TPD52: variants seen among roughly 807,000 people sequenced by gnomAD.
TPD52 encodes tumor protein D52, also known as prostate and colon associated protein.
In TPD52, 17 loss-of-function variants were observed where a neutral mutation model predicts 31.3. The observed-to-expected ratio is 0.54, with a 90% CI of 0.37 to 0.82. The LOEUF is 0.82. Among genes scored for constraint, TPD52 ranks in the 40% least tolerant of loss-of-function variants. TPD52 has a pLI of 0.00. For missense variants in TPD52, 212 were observed against 240.1 expected (o/e 0.88, Z 0.77); for synonymous variants, 83 against 89.6 (o/e 0.93, Z 0.42).
chr8:80,127,996 G>GT lies in TPD52; in HGVS notation c.19+43428dup, dbSNP rs930485419. Among the ~76,000 whole-genome samples the GT allele has an allele frequency of 2.1e-3, 293 of 136,716 alleles. 1 individual carries two copies. Among genetic ancestry groups the GT allele is most frequent in the Admixed American group, 3.8e-3 (54 of 14,076 alleles). The allele number at this position is 136,716 out of a possible 152,430, so 89.7% of individuals were successfully genotyped here. On this transcript the variant is annotated intron_variant, in intron 1 of 7. Transcript: ENST00000518937. ...TGGTTTTGGTTTGTATTTCTGTTTT[G>GT]TTTTTTTTTTTACATTTTCTAACAA... is the stretch of plus-strand genomic sequence containing the variant.
At chr8:80,093,728 T>C (rs1176786501) in intron 1 of TPD52, among the ~76,000 whole-genome samples, 1 of 152,212 alleles carries the variant, frequency 6.6e-6, no homozygotes, top group Admixed American at 6.5e-5. Context: ...TGCACAAATC[T>C]TGTCAATTTT....
intron 1 of TPD52, among the ~76,000 whole-genome samples, chr8:80,169,736 G>A (rs1237394559): frequency 6.6e-6 from 1 of 152,088 alleles, no homozygotes; most frequent in African/African-American, 2.4e-5. Flanking sequence ...CCCGTCCTGC[G>A]TCGCCCCCAT....
At chr8:80,130,328 T>C (rs1360541754) in intron 1 of TPD52, among the ~76,000 whole-genome samples, 1 of 152,210 alleles carries the variant, frequency 6.6e-6, no homozygotes, top group African/African-American at 2.4e-5. Context: ...ACCCAAATTA[T>C]GTCATTACAC....
intron 1 of TPD52, among the ~76,000 whole-genome samples, chr8:80,106,365 GTTGTTATT>G (rs1807109170): frequency 6.6e-6 from 1 of 152,170 alleles, no homozygotes; most frequent in South Asian, 2.1e-4. Flanking sequence ...TGTGGTTGTT[GTTGTTATT>G]TTGAGACAGA....
At chr8:80,068,458 G>C (rs964825405) in intron 1 of TPD52, among the ~76,000 whole-genome samples, 2 of 152,218 alleles carry the variant, frequency 1.3e-5, no homozygotes, top group Non-Finnish European at 2.9e-5. Flanking sequence ...TCCCTGGTTT[G>C]AAAGTCACAG....
chr8:80,067,325 C>T (rs1163299719), intron 1 of TPD52: 1 of 151,654 alleles, frequency 6.6e-6, no homozygotes, highest in African/African-American at 2.4e-5. Flanking sequence ...TAGGTGGCAG[C>T]AAATCATTAT....
At chr8:80,073,172 A>G (rs754924420) in intron 1 of TPD52, among the ~76,000 whole-genome samples, 1 of 152,062 alleles carries the variant, frequency 6.6e-6, no homozygotes, top group Admixed American at 6.6e-5. Context: ...GTTTAAATGT[A>G]CCTCCCATAC....
chr8:80,049,954 T>C (rs1208491860), intron 5 of TPD52, among the ~76,000 whole-genome samples: 3 of 152,064 alleles, frequency 2.0e-5, no homozygotes, highest in Admixed American at 6.6e-5. Flanking sequence ...TATGTATATT[T>C]TACCACAACA....
downstream of TPD52, among the ~76,000 whole-genome samples, chr8:80,031,604 T>C (rs1586109400): frequency 6.6e-6 from 1 of 152,256 alleles, no homozygotes; most frequent in Admixed American, 6.5e-5. Context: ...ACACTTGTAA[T>C]CCCAGCACTT....
At chr8:80,090,341 A>G (rs1452433839) in intron 1 of TPD52, among the ~76,000 whole-genome samples, 1 of 152,174 alleles carries the variant, frequency 6.6e-6, no homozygotes, top group Non-Finnish European at 1.5e-5. Context: ...TCAAGGCTAG[A>G]GTGAGCTACG....
At chr8:80,101,448 CAAAAA>C (rs113660828) in intron 1 of TPD52, among the ~76,000 whole-genome samples, 6 of 114,722 alleles carry the variant, frequency 5.2e-5, no homozygotes, top group African/African-American at 1.7e-4. Flanking sequence ...ACTCCCAGCT[CAAAAA>C]AAAAAAAAAA....
intron 4 of TPD52, among the ~76,000 whole-genome samples, chr8:80,051,060 T>TA (rs2130521302): frequency 6.6e-6 from 1 of 151,188 alleles, no homozygotes; most frequent in East Asian, 1.9e-4. Flanking sequence ...TGAACATAGT[T>TA]ACAGCTTACC....
chr8:80,051,401 T>G (rs1206377803), intron 4 of TPD52, 126 bp downstream of exon 4: 1 of 803,292 alleles, frequency 1.2e-6, no homozygotes, highest in African/African-American at 1.7e-5. Flanking sequence ...TTTGAAGGAG[T>G]GCCCTCCCTC....
At chr8:80,061,086 C>G (rs545526636) in intron 2 of TPD52, among the ~76,000 whole-genome samples, 4 of 152,166 alleles carry the variant, frequency 2.6e-5, no homozygotes, top group Non-Finnish European at 5.9e-5. Flanking sequence ...ACAAAAAAGG[C>G]CAGGTGCGGT....
chr8:80,155,674 G>A (rs1297757111), intron 1 of TPD52, among the ~76,000 whole-genome samples: 2 of 152,054 alleles, frequency 1.3e-5, no homozygotes, highest in African/African-American at 2.4e-5. Flanking sequence ...ACTTGAGGTC[G>A]GGAGTTCAAG....
In TPD52 at chr8:80,064,410, C is replaced by T. The variant is rs1812890610; in HGVS notation, c.135+68G>A. 7.2e-6 allele frequency: 9 copies of T among 1,249,754 alleles called. No individual in the cohort carries two copies. In the South Asian group the frequency reaches 9.7e-5, roughly 13 times the overall value. The allele number at this position is 1,249,754 out of a possible 1,614,324, so 77.4% of individuals were successfully genotyped here. On this transcript the variant is annotated intron_variant, in intron 2 of 7. Coordinates refer to ENST00000518937, the MANE Select transcript of TPD52 (RefSeq NM_001025253.3). ...CTAACTATAAACATATCACCATGTA[C>T]TTTAGAATCACAAATGACAGTACAT...
chr8:80,111,122 G>C (rs1807469990), intron 1 of TPD52, among the ~76,000 whole-genome samples: 1 of 152,208 alleles, frequency 6.6e-6, no homozygotes, highest in Admixed American at 6.5e-5. Flanking sequence ...TGAGGTGGTA[G>C]TATCACTTGA....
At chr8:80,086,861 T>G (rs1815820948) in intron 1 of TPD52, among the ~76,000 whole-genome samples, 1 of 101,762 alleles carries the variant, frequency 9.8e-6, no homozygotes, top group African/African-American at 4.0e-5. Flanking sequence ...GCAACAAGAG[T>G]GAGACGCTGT....
chr8:80,044,115 T>A, intron 6 of TPD52, 52 bp downstream of exon 6: 1 of 1,463,514 alleles, frequency 6.8e-7, no homozygotes, highest in Non-Finnish European at 9.3e-7. Flanking sequence ...AACATCTAAA[T>A]AAAGAAAAAT....
Sources: allele counts gnomAD v4.1 joint callset (sites outside exome capture counted in the v4.1 genomes callset), GRCh38; gene constraint gnomAD v4.1.1; transcripts MANE v1.5; gene names NCBI Gene and HGNC (gene_info 2026-07-23, HGNC 2026-07-21).